Variants in CDH4 observed in about 807,000 individuals in gnomAD.
CDH4 encodes cadherin 4.
A neutral mutation model predicts 86.0 loss-of-function variants in CDH4; 33 were observed. The observed-to-expected ratio is 0.38, with a 90% CI of 0.29 to 0.51. The LOEUF (loss-of-function observed/expected upper bound fraction) is 0.51, where lower values mean the gene tolerates loss of function less well. Ranked by LOEUF, CDH4 falls within the 20% of genes least tolerant of loss-of-function variation. CDH4 has a pLI of 0.86. For missense variants in CDH4, 1,114 were observed against 1,307.4 expected (o/e 0.85, Z 2.28); for synonymous variants, 555 against 549.4 (o/e 1.01, Z -0.14).
intron 3 of CDH4, among the ~76,000 whole-genome samples, chr20:61,747,531 TA>T (rs2088430887): frequency 6.6e-6 from 1 of 152,098 alleles, no homozygotes; most frequent in African/African-American, 2.4e-5. Flanking sequence ...TTACTATCTT[TA>T]AGCAAATTAA....
intron 2 of CDH4, among the ~76,000 whole-genome samples, chr20:61,353,652 CCTCTTCTTCCT>C: frequency 8.3e-6 from 1 of 120,144 alleles, no homozygotes; most frequent in African/African-American, 3.3e-5. Flanking sequence ...TCCCCCTCCT[CCTCTTCTTCCT>C]CCTCTTCCCC....
rs1335208278 is a variant in CDH4, at chr20:61,929,319, C to G, written c.2006-290C>G. On this transcript the variant is annotated intron_variant, in intron 12 of 15. Coordinates refer to ENST00000614565, the MANE Select transcript of CDH4 (RefSeq NM_001794.5). ...GCCCGGCTAATTTTTGTATTTTTTACTAGAGACAGGGTTTTGCCATGTTGG... is the reference window on the plus strand; with the variant it reads ...GCCCGGCTAATTTTTGTATTTTTTAGTAGAGACAGGGTTTTGCCATGTTGG... Among the ~76,000 whole-genome samples, 4 of 152,088 alleles carry G rather than the reference C, an allele frequency of 2.6e-5. No homozygotes were observed. The East Asian group carries it at 7.7e-4, about 29-fold the overall frequency.
chr20:61,522,945 G>T (rs775213509), intron 2 of CDH4, among the ~76,000 whole-genome samples: 2 of 152,212 alleles, frequency 1.3e-5, no homozygotes, highest in Non-Finnish European at 2.9e-5. Context: ...CGACACGCAG[G>T]TGCATCTGGC....
At chr20:61,554,170 C>T (rs1296507263) in intron 2 of CDH4, among the ~76,000 whole-genome samples, 1 of 152,214 alleles carries the variant, frequency 6.6e-6, no homozygotes. Flanking sequence ...ATTTGCACAG[C>T]ACTAGGTCCA....
intron 4 of CDH4, among the ~76,000 whole-genome samples, chr20:61,821,029 A>C (rs989352711): frequency 8.6e-4 from 127 of 147,278 alleles, no homozygotes; most frequent in African/African-American, 3.0e-3. Flanking sequence ...AGTTCCCGCT[A>C]CCCCCCGCCC....
At chr20:61,383,680 GTA>G (rs1491170001) in intron 2 of CDH4, among the ~76,000 whole-genome samples, 1 of 20,718 alleles carries the variant, frequency 4.8e-5, no homozygotes, top group Non-Finnish European at 1.0e-4. Flanking sequence ...ATATATGAAT[GTA>G]TATGATATAT....
intron 2 of CDH4, among the ~76,000 whole-genome samples, chr20:61,318,134 G>A (rs979069406): frequency 6.6e-6 from 1 of 152,178 alleles, no homozygotes; most frequent in Non-Finnish European, 1.5e-5. Flanking sequence ...ACCCTGTGCT[G>A]TTGTGGTGGC....
intron 8 of CDH4, among the ~76,000 whole-genome samples, chr20:61,906,362 C>A (rs1378081792): frequency 6.6e-6 from 1 of 152,208 alleles, no homozygotes; most frequent in African/African-American, 2.4e-5. Context: ...GGGCCAACAC[C>A]ACACTAGACC....
In CDH4 at chr20:61,534,728, C is replaced by T. The variant is rs117496525; in HGVS notation, c.170-208835C>T. On this transcript the variant is annotated intron_variant, in intron 2 of 15. Coordinates refer to ENST00000614565, the MANE Select transcript of CDH4 (RefSeq NM_001794.5). ...ACTTGTGCCAGCTGTGTGGTCAACC[C>T]GACGGCCTCCCTTGCTGGGACGCTC... is the stretch of plus-strand genomic sequence containing the variant. 1.8e-3 allele frequency among the ~76,000 whole-genome samples: 248 copies of T among 139,658 alleles called. 7 individuals carry two copies. The East Asian group carries it at 0.047, about 26-fold the overall frequency. 91.6% of individuals were successfully genotyped at this position (139,658 alleles called of 152,430 possible).
rs147654571 is a variant in CDH4 at position 61,936,646 on chromosome 20, CCTCTT to C, written c.2545-88_2545-84del. The C allele has an allele frequency of 3.7e-6, 4 of 1,068,308 alleles. No individual in the cohort carries two copies. The East Asian group carries it at 1.2e-4, about 32-fold the overall frequency. The allele number at this position is 1,068,308 out of a possible 1,614,324, so 66.2% of individuals were successfully genotyped here. A position where few individuals can be genotyped will look rare whatever the true frequency, so the allele number is the denominator to read the frequency against. On this transcript the variant is annotated intron_variant, in intron 15 of 15. Coordinates refer to ENST00000614565, the MANE Select transcript of CDH4 (RefSeq NM_001794.5). ...CTTTATGCAACGTCCTACCTCCCTA[CCTCTT>C]CTTCTGGGCCTCGCTTTCCGTTCCA...
chr20:61,789,331 A>G (rs1371834262), intron 4 of CDH4, among the ~76,000 whole-genome samples: 1 of 152,168 alleles, frequency 6.6e-6, no homozygotes, highest in Non-Finnish European at 1.5e-5. Flanking sequence ...CATTTTCCCA[A>G]AATGTAGGCT....
intron 2 of CDH4, among the ~76,000 whole-genome samples, chr20:61,553,373 A>G (rs1416430829): frequency 2.0e-5 from 3 of 152,210 alleles, no homozygotes; most frequent in African/African-American, 4.8e-5. Context: ...TGGTCGTGCA[A>G]CCTTGTGACT....
chr20:61,678,192 T>C (rs1026127169), intron 2 of CDH4, among the ~76,000 whole-genome samples: 3 of 151,950 alleles, frequency 2.0e-5, no homozygotes, highest in Non-Finnish European at 1.5e-5. Flanking sequence ...CATAGATAGA[T>C]GCATGCATGC....
At chr20:61,920,689 A>ATGATTGCATGGAAGCGTGGTGTCACGG (rs1275554310) in intron 9 of CDH4, among the ~76,000 whole-genome samples, 3 of 112,262 alleles carry the variant, frequency 2.7e-5, no homozygotes, top group Non-Finnish European at 3.7e-5. Context: ...TGGTGTCGTG[A>ATGATTGCATGGAAGCGTGGTGTCACGG]TGATTGCATG....
chr20:61,296,290 TGTGTGTGC>T (rs2084353691), intron 2 of CDH4, among the ~76,000 whole-genome samples: 1 of 150,382 alleles, frequency 6.6e-6, no homozygotes, highest in African/African-American at 2.5e-5. Context: ...GGTGCGTGTG[TGTGTGTGC>T]GTGGGTGCGT....
chr20:61,908,583 C>T (rs1045196253), intron 8 of CDH4, among the ~76,000 whole-genome samples: 3 of 152,198 alleles, frequency 2.0e-5, no homozygotes, highest in Non-Finnish European at 4.4e-5. Context: ...CTGTGGCAGA[C>T]GCGGTCTGCT....
chr20:61,560,184 A>G (rs2086206411), intron 2 of CDH4, among the ~76,000 whole-genome samples: 1 of 152,178 alleles, frequency 6.6e-6, no homozygotes, highest in South Asian at 2.1e-4. Context: ...CATCCCAGAC[A>G]GTGAATCCCC....
rs186154236 is a variant in CDH4, at chr20:61,699,497, G to T, written c.170-44066G>T. ...TAAGCAACCCCAAGTGGCTAATTAG[G>T]ATATGTGGCAGCAGCACTTTCTGGC... is the stretch of plus-strand genomic sequence containing the variant. On this transcript the variant is annotated intron_variant, in intron 2 of 15. Transcript: ENST00000614565. 4.6e-3 allele frequency among the ~76,000 whole-genome samples: 705 copies of T among 151,858 alleles called. 5 individuals carry two copies. The highest frequency in any genetic ancestry group is 0.016 in the African/African-American group (670 of 41,528).
At chr20:61,279,200 G>C (rs1471596617) in intron 2 of CDH4, among the ~76,000 whole-genome samples, 5 of 152,194 alleles carry the variant, frequency 3.3e-5, no homozygotes, top group African/African-American at 1.2e-4. Flanking sequence ...CTACGTGGTG[G>C]GCAGAGCCAG....
Sources: allele counts gnomAD v4.1 joint callset (sites outside exome capture counted in the v4.1 genomes callset), GRCh38; gene constraint gnomAD v4.1.1; transcripts MANE v1.5; gene names NCBI Gene and HGNC (gene_info 2026-07-23, HGNC 2026-07-21).